Variants in GOLM2 observed in about 807,000 individuals in gnomAD.
The protein encoded by GOLM2 is golgi membrane protein 2, also known as protein GOLM2.
A neutral mutation model predicts 55.9 loss-of-function variants in GOLM2; 26 were observed. The ratio of observed to expected loss-of-function variants is 0.47; its 90% CI spans 0.34 to 0.65. The LOEUF (loss-of-function observed/expected upper bound fraction) is 0.65, where lower values mean the gene tolerates loss of function less well. Ranked by LOEUF, GOLM2 falls within the 30% of genes least tolerant of loss-of-function variation. The pLI, the probability that GOLM2 is intolerant of heterozygous loss-of-function variation, is 0.01. For missense variants in GOLM2, 486 were observed against 531.8 expected, an observed-to-expected ratio of 0.91 and a Z score of 0.85; for synonymous variants, 165 against 194.6, an observed-to-expected ratio of 0.85 and a Z score of 1.27.
intron 4 of GOLM2, among the ~76,000 whole-genome samples, chr15:44,336,489 A>T (rs1323929430): frequency 6.6e-6 from 1 of 152,244 alleles, no homozygotes; most frequent in Non-Finnish European, 1.5e-5. Context: ...ACTAGAGGAC[A>T]GCTATGAAGG....
chr15:44,360,453 A>G (rs943410945), intron 6 of GOLM2, among the ~76,000 whole-genome samples: 1 of 152,220 alleles, frequency 6.6e-6, no homozygotes, highest in Non-Finnish European at 1.5e-5. Context: ...AAAGAGACAA[A>G]GAAGGCCATT....
At position 44,384,924 on chromosome 15, in the gene GOLM2, AT is replaced by A. The variant is rs1217977308; in HGVS notation, c.1072+3949del. On this transcript the variant is annotated intron_variant, in intron 8 of 9. Coordinates refer to ENST00000299957, the MANE Select transcript of GOLM2 (RefSeq NM_138423.4). The stretch of plus-strand genomic sequence containing the variant: ...CTGCATCTTAAAAAAAAAAAAAAAA[AT>A]CATACAGTATGTGACCTTTTGTGTC... Among the ~76,000 whole-genome samples the A allele has an allele frequency of 3.3e-5, 5 of 151,800 alleles. No homozygotes were observed. The South Asian group carries it at 8.3e-4, about 25-fold the overall frequency.
chr15:44,313,836 C>T (rs1444728921), intron 1 of GOLM2, among the ~76,000 whole-genome samples: 1 of 151,990 alleles, frequency 6.6e-6, no homozygotes, highest in Non-Finnish European at 1.5e-5. Flanking sequence ...TGAATAAGCA[C>T]CACAATAAAA....
intron 1 of GOLM2, among the ~76,000 whole-genome samples, chr15:44,310,462 A>C (rs1336975855): frequency 0.021 from 2,878 of 135,346 alleles, 43 homozygotes; most frequent in African/African-American, 0.039. Flanking sequence ...CTCTATATAT[A>C]TATATATGTA....
chr15:44,354,955 G>T (rs2079187916), intron 6 of GOLM2: 1 of 153,584 alleles, frequency 6.5e-6, no homozygotes, highest in East Asian at 1.9e-4. Flanking sequence ...ATCAAATGCA[G>T]TGATGCTGGC....
At position 44,380,791 on chromosome 15, in the gene GOLM2, G is replaced by GT; in HGVS notation, c.902-10dup. Reference sequence around the variant, plus strand: ...TTAAATTATATTCTTTTAATTTGATGTTTTTATGCCACAGATTCACACATA... The same window carrying GT: ...TTAAATTATATTCTTTTAATTTGATGTTTTTTATGCCACAGATTCACACATA... On this transcript the variant is annotated splice_polypyrimidine_tract_variant and intron_variant, in intron 7 of 9. Transcript: ENST00000299957. 1 of 1,431,376 alleles carries GT rather than the reference G, an allele frequency of 7.0e-7. No homozygotes were observed. Among genetic ancestry groups the GT allele is most frequent in the Admixed American group, 2.6e-5 (1 of 38,866 alleles). The allele number at this position is 1,431,376 out of a possible 1,614,324, so 88.7% of individuals were successfully genotyped here.
At chr15:44,359,564 G>T (rs1189524691) in intron 6 of GOLM2, among the ~76,000 whole-genome samples, 1 of 152,162 alleles carries the variant, frequency 6.6e-6, no homozygotes, top group Non-Finnish European at 1.5e-5. Flanking sequence ...CTCCAGCCTG[G>T]GCAACAGAGC....
intron 6 of GOLM2, among the ~76,000 whole-genome samples, chr15:44,366,828 A>C (rs1170993759): frequency 6.6e-6 from 1 of 152,026 alleles, no homozygotes; most frequent in Admixed American, 6.6e-5. Context: ...TGCTACCCGT[A>C]CTCCATTCTG....
chr15:44,319,682 G>A (rs2078936158), intron 1 of GOLM2, among the ~76,000 whole-genome samples: 1 of 151,992 alleles, frequency 6.6e-6, no homozygotes, highest in Non-Finnish European at 1.5e-5. Context: ...CAACCTTTAG[G>A]GCTCAATCAG....
chr15:44,366,152 C>T (rs2079282531), intron 6 of GOLM2, among the ~76,000 whole-genome samples: 1 of 151,976 alleles, frequency 6.6e-6, no homozygotes, highest in South Asian at 2.1e-4. Context: ...AAAAAATTAG[C>T]TGGGCGTGGT....
intron 4 of GOLM2, among the ~76,000 whole-genome samples, chr15:44,336,352 C>T (rs1015906180): frequency 4.0e-5 from 6 of 151,532 alleles, no homozygotes; most frequent in Non-Finnish European, 7.4e-5. Flanking sequence ...CTCCTGACCT[C>T]GTGATCCGCC....
At chr15:44,362,088 T>G (rs1250464197) in intron 6 of GOLM2, among the ~76,000 whole-genome samples, 1 of 151,656 alleles carries the variant, frequency 6.6e-6, no homozygotes, top group Non-Finnish European at 1.5e-5. Flanking sequence ...GCCAATATCA[T>G]ACTGAATGGG....
At chr15:44,299,927 A>C (rs980038245) in intron 1 of GOLM2, among the ~76,000 whole-genome samples, 2 of 105,066 alleles carry the variant, frequency 1.9e-5, no homozygotes, top group South Asian at 5.8e-4. Flanking sequence ...GCAACATAGC[A>C]AAAAAAAAAA....
At position 44,332,095 on chromosome 15, in the gene GOLM2, T is replaced by C. The variant is rs759927300; in HGVS notation, c.576+17T>C. 1 of 1,167,026 alleles carries C rather than the reference T, an allele frequency of 8.6e-7. No individual in the cohort carries two copies. The highest frequency in any genetic ancestry group is 2.4e-5 in the East Asian group (1 of 41,312). The allele number at this position is 1,167,026 out of a possible 1,614,324, so 72.3% of individuals were successfully genotyped here. Reference sequence around the variant, plus strand: ...GAACAAAAGGTAAATTTTAAAAATATACTTAAATCCAAATATTTTTATTAT... The same window carrying C: ...GAACAAAAGGTAAATTTTAAAAATACACTTAAATCCAAATATTTTTATTAT... On this transcript the variant is annotated intron_variant, in intron 4 of 9. Coordinates refer to ENST00000299957, the MANE Select transcript of GOLM2 (RefSeq NM_138423.4).
rs2078705079 is a variant in GOLM2, at chr15:44,289,434, G to C, written c.327+78G>C. On this transcript the variant is annotated intron_variant, in intron 1 of 9. Transcript: ENST00000299957. The surrounding 1 kb of genome is among the most constrained non-coding windows in gnomAD (Gnocchi z 4.8). ...TCTGGGGCGGGATGTTAATCCGCTA[G>C]CTGTTGTCTTATGCCTTCCAGTATT... 8.3e-6 allele frequency: 11 copies of C among 1,327,326 alleles called. No individual in the cohort carries two copies. The highest frequency in any genetic ancestry group is 1.0e-5 in the Non-Finnish European group (10 of 970,766). The allele number at this position is 1,327,326 out of a possible 1,614,324, so 82.2% of individuals were successfully genotyped here. A position where few individuals can be genotyped will look rare whatever the true frequency, so the allele number is the denominator to read the frequency against.
chr15:44,351,627 GA>G (rs2079165626), intron 6 of GOLM2, among the ~76,000 whole-genome samples: 3 of 146,812 alleles, frequency 2.0e-5, no homozygotes, highest in African/African-American at 7.7e-5. Context: ...ATCAAAATCG[GA>G]AAGGAAGAAG....
intron 6 of GOLM2, among the ~76,000 whole-genome samples, chr15:44,349,705 C>T (rs2141158188): frequency 6.6e-6 from 1 of 152,280 alleles, no homozygotes; most frequent in Non-Finnish European, 1.5e-5. Flanking sequence ...CTCCTCAGTA[C>T]ATGCATCATT....
chr15:44,316,716 C>T (rs1467323686), intron 1 of GOLM2, among the ~76,000 whole-genome samples: 1 of 149,964 alleles, frequency 6.7e-6, no homozygotes, highest in African/African-American at 2.5e-5. Context: ...GATTGTGCCA[C>T]TGCACTCCAG....
intron 1 of GOLM2, among the ~76,000 whole-genome samples, chr15:44,322,081 C>A (rs928006863): frequency 1.6e-4 from 24 of 151,366 alleles, no homozygotes; most frequent in Non-Finnish European, 2.2e-4. Flanking sequence ...AAAATATATT[C>A]TTCAGGCCAG....
Sources: gnomAD v4.1 joint callset for allele counts (sites outside exome capture counted in the v4.1 genomes callset) on GRCh38, gnomAD v4.1.1 for gene constraint, Gnocchi (gnomAD v3.1) non-coding constraint, MANE v1.5 for transcripts, NCBI Gene and HGNC (gene_info 2026-07-23, HGNC 2026-07-21) for gene names.